The following LGR5 variants were observed in gnomAD, a reference collection of about 807,000 sequenced individuals.
LGR5 encodes leucine rich repeat containing G protein-coupled receptor 5.
In LGR5, 54 loss-of-function variants were observed where a neutral mutation model predicts 76.7. The ratio of observed to expected loss-of-function variants is 0.70; its 90% CI spans 0.57 to 0.88. The LOEUF is 0.88. LGR5 is among the 40% of genes least tolerant of loss of function. The pLI, the probability that LGR5 is intolerant of heterozygous loss-of-function variation, is 0.00. For synonymous variants in LGR5, 406 were observed against 421.9 expected, an observed-to-expected ratio of 0.96 and a Z score of 0.46; for missense variants, 1,078 against 1,073.3, an observed-to-expected ratio of 1.00 and a Z score of -0.06.
intron 11 of LGR5, among the ~76,000 whole-genome samples, chr12:71,569,816 C>A (rs988143338): frequency 2.6e-5 from 4 of 151,994 alleles, no homozygotes; most frequent in Non-Finnish European, 5.9e-5. Context: ...GGGTATATAC[C>A]CAAGGGAATA....
chr12:71,566,324 G>A (rs542807946), intron 8 of LGR5, 80 bp from the exon 9 acceptor site: 113 of 866,462 alleles, frequency 1.3e-4, no homozygotes, highest in East Asian at 1.1e-3. Context: ...TACATTTACT[G>A]TATTTGTTCA....
chr12:71,511,971 C>T (rs1195367174), intron 2 of LGR5, among the ~76,000 whole-genome samples: 1 of 151,172 alleles, frequency 6.6e-6, no homozygotes, highest in Non-Finnish European at 1.5e-5. Flanking sequence ...TTGGGTAACT[C>T]GTTTTTGGTT....
At chr12:71,471,175 A>G (rs1193464701) in intron 1 of LGR5, among the ~76,000 whole-genome samples, 1 of 152,332 alleles carries the variant, frequency 6.6e-6, no homozygotes, top group Non-Finnish European at 1.5e-5. Context: ...AATATAGTAA[A>G]TGATTAATAA....
intron 6 of LGR5, among the ~76,000 whole-genome samples, chr12:71,557,698 C>A (rs1475114489): frequency 6.6e-6 from 1 of 152,180 alleles, no homozygotes; most frequent in Non-Finnish European, 1.5e-5. Context: ...AGCTGCTCTT[C>A]ATTGCCCTGT....
chr12:71,467,469 C>T (rs574119948), intron 1 of LGR5, among the ~76,000 whole-genome samples: 1 of 152,300 alleles, frequency 6.6e-6, no homozygotes, highest in South Asian at 2.1e-4. Context: ...TCATTTTTAA[C>T]ATCTGCATCA....
Position 71,504,684 on chromosome 12 carries a change from T to C in LGR5, c.283T>C (p.Leu95=). ...GCCCAGTCTCCGCTTCCTGGAGGAGTTGTAAGTATCACTGTAGTCTTGATG... is the reference window on the plus strand; with the variant it reads ...GCCCAGTCTCCGCTTCCTGGAGGAGCTGTAAGTATCACTGTAGTCTTGATG... ...PLPSLRFLEE[L]RLAGNALTYI... The change falls in exon 2 of 18, where the codon TTA becomes CTA. Residue 95 remains leucine, a splice_region_variant and synonymous_variant. Transcript: ENST00000266674. 6.2e-7 allele frequency: 1 copy of C among 1,610,044 alleles called. No individual in the cohort carries two copies. The highest frequency in any genetic ancestry group is 8.5e-7 in the Non-Finnish European group (1 of 1,176,510).
At chr12:71,572,145 T>C (rs1310075220) in intron 12 of LGR5, among the ~76,000 whole-genome samples, 1 of 150,766 alleles carries the variant, frequency 6.6e-6, no homozygotes, top group Non-Finnish European at 1.5e-5. Flanking sequence ...GTGCATGGCG[T>C]GATCTCGGCT....
chr12:71,541,902 G>C (rs1314574156), intron 4 of LGR5, among the ~76,000 whole-genome samples: 1 of 152,116 alleles, frequency 6.6e-6, no homozygotes, highest in African/African-American at 2.4e-5. Flanking sequence ...ACCTCCCTCA[G>C]AGAATCCTCT....
chr12:71,557,471 G>A (rs1877827962), intron 6 of LGR5, among the ~76,000 whole-genome samples: 1 of 152,152 alleles, frequency 6.6e-6, no homozygotes. Flanking sequence ...CTAGTCAGTA[G>A]CAGAACTGAG....
At chr12:71,575,722 ATGTGTGTGTG>A (rs140264650) in intron 13 of LGR5, among the ~76,000 whole-genome samples, 21,744 of 144,654 alleles carry the variant, frequency 0.15, 1,998 homozygotes, top group East Asian at 0.3. Flanking sequence ...AAAAATATAT[ATGTGTGTGTG>A]TGTGTGTGTG....
intron 1 of LGR5, among the ~76,000 whole-genome samples, chr12:71,485,198 A>G (rs1168258812): frequency 1.3e-5 from 2 of 152,212 alleles, no homozygotes; most frequent in Admixed American, 6.5e-5. Context: ...ATAATAGCAA[A>G]TATGTAGTGT....
At chr12:71,465,660 T>C (rs1278164834) in intron 1 of LGR5, among the ~76,000 whole-genome samples, 2 of 152,182 alleles carry the variant, frequency 1.3e-5, no homozygotes, top group Non-Finnish European at 2.9e-5. Flanking sequence ...ATTTATAGTT[T>C]CCATGTCCAT....
intron 13 of LGR5, among the ~76,000 whole-genome samples, chr12:71,577,698 C>T (rs186039314): frequency 6.6e-6 from 1 of 152,212 alleles, no homozygotes; most frequent in East Asian, 1.9e-4. Flanking sequence ...CCAAAATATC[C>T]ACCTGAACGA....
At chr12:71,455,222 C>G (rs949762026) in intron 1 of LGR5, among the ~76,000 whole-genome samples, 1 of 152,124 alleles carries the variant, frequency 6.6e-6, no homozygotes, top group Non-Finnish European at 1.5e-5. Flanking sequence ...GATCTGGGCC[C>G]AGCTACCCCA....
intron 3 of LGR5, among the ~76,000 whole-genome samples, chr12:71,530,486 A>G (rs1205858713): frequency 6.6e-6 from 1 of 152,226 alleles, no homozygotes; most frequent in South Asian, 2.1e-4. Flanking sequence ...ATCTTGATCC[A>G]GTCTATTAAG....
chr12:71,533,216 A>G (rs538354373), intron 3 of LGR5, among the ~76,000 whole-genome samples: 5 of 152,130 alleles, frequency 3.3e-5, no homozygotes, highest in Admixed American at 2.0e-4. Context: ...ACGGTGATGC[A>G]TGCCTGTAGT....
At position 71,500,245 on chromosome 12, in the gene LGR5, G is replaced by A. The variant is rs572045332; in HGVS notation, c.213-4369G>A. Among the ~76,000 whole-genome samples the A allele has an allele frequency of 1.1e-4, 17 of 152,138 alleles. No individual in the cohort carries two copies. In the South Asian group the frequency reaches 1.2e-3, roughly 11 times the overall value. On this transcript the variant is annotated intron_variant, in intron 1 of 17. Coordinates refer to ENST00000266674, the MANE Select transcript of LGR5 (RefSeq NM_003667.4). ...GGATGGAACCCATAGGAACCCATAA[G>A]AAACAGTACCTTTAATTATCTTAAG...
At chr12:71,552,923 G>A (rs1877562367) in intron 4 of LGR5, 150 bp from the exon 5 acceptor site, 2 of 630,636 alleles carry the variant, frequency 3.2e-6, no homozygotes. Context: ...AGATCATCTG[G>A]AGAGGAAAAT....
chr12:71,476,324 G>A (rs1448150654), intron 1 of LGR5, among the ~76,000 whole-genome samples: 1 of 152,186 alleles, frequency 6.6e-6, no homozygotes, highest in Non-Finnish European at 1.5e-5. Flanking sequence ...GTTCTTCATA[G>A]GCATACAAAC....
Sources: gnomAD v4.1 joint callset for allele counts (sites outside exome capture counted in the v4.1 genomes callset) on GRCh38, gnomAD v4.1.1 for gene constraint, MANE v1.5 for transcripts, NCBI Gene and HGNC (gene_info 2026-07-23, HGNC 2026-07-21) for gene names.